The following LRRIQ1 variants were observed in gnomAD, a reference collection of about 807,000 sequenced individuals.
LRRIQ1 encodes the protein leucine-rich repeat- and IQ domain-containing protein 1.
Under a neutral mutation model 211.9 loss-of-function variants are expected in LRRIQ1, and 210 were observed. The observed-to-expected ratio is 0.99, with a 90% CI of 0.89 to 1.11. The LOEUF is 1.11. LRRIQ1 is among the 50% of genes most tolerant of loss of function. LRRIQ1 has a pLI of 0.00. For synonymous variants in LRRIQ1, 699 were observed against 650.1 expected, an observed-to-expected ratio of 1.08 and a Z score of -1.14; for missense variants, 2,136 against 1,939.5, an observed-to-expected ratio of 1.10 and a Z score of -1.90.
At position 85,047,366 on chromosome 12, in the gene LRRIQ1, CAG is replaced by C. The variant is rs1879735883; in HGVS notation, c.577_578del (p.Arg193GlyfsTer2). On this transcript the variant is annotated frameshift_variant, in exon 6 of 27. Coordinates refer to ENST00000393217, the MANE Select transcript of LRRIQ1 (RefSeq NM_001079910.2). LOFTEE classifies it high-confidence loss of function. ...TAAAGAGAAACAAACTCTCAAAGCT[CAG>C]AGGGATAGAGAAGAAAAACAATTTC... ...EDKEKQTLKA[Q>X]RDREEKQFQE... The C allele has an allele frequency of 6.2e-7, 1 of 1,605,842 alleles. No individual in the cohort carries two copies. The highest frequency in any genetic ancestry group is 8.5e-7 in the Non-Finnish European group (1 of 1,172,970).
intron 24 of LRRIQ1, among the ~76,000 whole-genome samples, chr12:85,177,797 A>G (rs537233273): frequency 3.3e-4 from 51 of 152,302 alleles, no homozygotes; most frequent in African/African-American, 1.1e-3. Context: ...AAGGATTAAT[A>G]GGAAGGAAAC....
At chr12:85,166,285 C>T (rs1891153632) in intron 24 of LRRIQ1, among the ~76,000 whole-genome samples, 1 of 152,156 alleles carries the variant, frequency 6.6e-6, no homozygotes, top group African/African-American at 2.4e-5. Flanking sequence ...TTAGTCTTAG[C>T]TCCTCCATTC....
chr12:85,083,928 A>C (rs1884556387), intron 11 of LRRIQ1, among the ~76,000 whole-genome samples: 1 of 152,156 alleles, frequency 6.6e-6, no homozygotes, highest in South Asian at 2.1e-4. Context: ...TTTATATGTC[A>C]GTAATTATTT....
At chr12:85,098,605 A>G in intron 12 of LRRIQ1, 57 bp downstream of exon 12, 1 of 1,408,246 alleles carries the variant, frequency 7.1e-7, no homozygotes, top group South Asian at 1.3e-5. Flanking sequence ...CTTTTGATAG[A>G]AATACCAATC....
chr12:85,117,054 C>T (rs1887635199), intron 15 of LRRIQ1, among the ~76,000 whole-genome samples: 1 of 152,022 alleles, frequency 6.6e-6, no homozygotes, highest in African/African-American at 2.4e-5. Context: ...TCAAAGCATC[C>T]CAGGTACAAC....
intron 24 of LRRIQ1, among the ~76,000 whole-genome samples, chr12:85,193,820 C>T (rs1179732109): frequency 6.8e-6 from 1 of 146,860 alleles, no homozygotes; most frequent in African/African-American, 2.5e-5. Flanking sequence ...TCACACATAA[C>T]AATATTAACT....
rs1880709927 is a variant in LRRIQ1, at chr12:85,054,294, C to G, written c.754-1253C>G. 2.0e-5 allele frequency among the ~76,000 whole-genome samples: 3 copies of G among 152,142 alleles called. No individual in the cohort carries two copies. The South Asian group carries it at 6.2e-4, about 32-fold the overall frequency. ...GGAATTAAATAGTACTATTCAAATT[C>G]AAGACAAAGGAAAAATAGTGTTGGA... On this transcript the variant is annotated intron_variant, in intron 7 of 26. Coordinates refer to ENST00000393217, the MANE Select transcript of LRRIQ1 (RefSeq NM_001079910.2).
chr12:85,252,993 T>C (rs186319660), intron 1 of LRRIQ1, among the ~76,000 whole-genome samples: 51 of 152,080 alleles, frequency 3.4e-4, no homozygotes, highest in African/African-American at 1.2e-3. Flanking sequence ...TACAGTTTTT[T>C]TAAAGTAGAG....
intron 11 of LRRIQ1, among the ~76,000 whole-genome samples, chr12:85,094,534 A>G (rs1885692319): frequency 1.3e-5 from 2 of 152,036 alleles, no homozygotes; most frequent in Admixed American, 1.3e-4. Context: ...CATAGTTTGA[A>G]GTCTGGTAGT....
chr12:85,213,465 T>C (rs1477823891), intron 24 of LRRIQ1, among the ~76,000 whole-genome samples: 2 of 152,046 alleles, frequency 1.3e-5, no homozygotes, highest in African/African-American at 4.8e-5. Context: ...AGGGACAGGC[T>C]TTGATAAACT....
At chr12:85,266,815 G>T (rs1454255119), downstream of LRRIQ1, among the ~76,000 whole-genome samples, 1 of 152,118 alleles carries the variant, frequency 6.6e-6, no homozygotes, top group African/African-American at 2.4e-5. Flanking sequence ...ACAAGCCAAG[G>T]TGCTACAGGA....
Position 85,098,416 on chromosome 12 carries a change from T to C in LRRIQ1, c.2949T>C (p.Asn983=). 6.2e-7 allele frequency: 1 copy of C among 1,611,174 alleles called. No individual in the cohort carries two copies. ...QLILDHNQLI[N]TKGLCDTPTI... is the part of the protein sequence containing the mutation. ...TTTTGGACCACAATCAGTTAATTAA[T>C]ACAAAAGGTCTTTGTGATACACCTA... Residue 983 remains asparagine (N), a synonymous_variant, in exon 12 of 27, where the codon AAT becomes AAC. Transcript: ENST00000393217.
At chr12:85,047,575 A>G in intron 6 of LRRIQ1, 105 bp downstream of exon 6, 1 of 884,884 alleles carries the variant, frequency 1.1e-6, no homozygotes, top group Non-Finnish European at 1.8e-6. Flanking sequence ...TATGACTTTT[A>G]ATTACTCTCT....
chr12:85,117,676 A>G (rs1887681762), intron 15 of LRRIQ1, among the ~76,000 whole-genome samples: 1 of 152,198 alleles, frequency 6.6e-6, no homozygotes, highest in Non-Finnish European at 1.5e-5. Flanking sequence ...CTTTATGTTT[A>G]GTCTTCTAAT....
At chr12:85,076,099 C>T (rs1883621214) in intron 11 of LRRIQ1, among the ~76,000 whole-genome samples, 1 of 151,870 alleles carries the variant, frequency 6.6e-6, no homozygotes. Flanking sequence ...TTATGCTGAA[C>T]AAATGTAATG....
chr12:85,244,491 T>A (rs1895622969), intron 26 of LRRIQ1, among the ~76,000 whole-genome samples: 1 of 151,720 alleles, frequency 6.6e-6, no homozygotes, highest in African/African-American at 2.4e-5. Context: ...GTTAAGCTCT[T>A]TAAAGTTTCA....
intron 23 of LRRIQ1, among the ~76,000 whole-genome samples, chr12:85,155,174 G>A (rs1890474770): frequency 6.6e-6 from 1 of 151,374 alleles, no homozygotes; most frequent in Admixed American, 6.6e-5. Context: ...TTATTGTTAT[G>A]TTAGTGATAT....
At position 85,160,755 on chromosome 12, in the gene LRRIQ1, A is replaced by C. The variant is rs201461154; in HGVS notation, c.4822+41A>C. Reference sequence around the variant, plus strand: ...AGATACATAGAGAGGTAAAAAGATAAAGAAAGATTAAAAGAATTATATTTA... The same window carrying C: ...AGATACATAGAGAGGTAAAAAGATACAGAAAGATTAAAAGAATTATATTTA... On this transcript the variant is annotated intron_variant, in intron 24 of 26. Coordinates refer to ENST00000393217, the MANE Select transcript of LRRIQ1 (RefSeq NM_001079910.2). 5.3e-4 allele frequency: 575 copies of C among 1,088,572 alleles called. 1 individual carries two copies. Among genetic ancestry groups the C allele is most frequent in the Non-Finnish European group, 7.0e-4 (531 of 759,944 alleles). The allele number at this position is 1,088,572 out of a possible 1,614,324, so 67.4% of individuals were successfully genotyped here.
chr12:85,236,835 A>ATATATATATCTATATATATATC (rs1035388751), intron 26 of LRRIQ1, among the ~76,000 whole-genome samples: 2 of 139,924 alleles, frequency 1.4e-5, no homozygotes, highest in East Asian at 4.0e-4. Flanking sequence ...GTGTGCATAT[A>ATATATATATCTATATATATATC]TATATATATA....
Sources: gnomAD v4.1 joint callset for allele counts (sites outside exome capture counted in the v4.1 genomes callset) on GRCh38, gnomAD v4.1.1 for gene constraint, MANE v1.5 for transcripts, NCBI Gene and HGNC (gene_info 2026-07-23, HGNC 2026-07-21) for gene names.